MRC1: variants seen among roughly 807,000 people sequenced by gnomAD.
MRC1 encodes mannose receptor C-type 1, also known as macrophage mannose receptor 1.
Under a neutral mutation model 102.9 loss-of-function variants are expected in MRC1, and 62 were observed. The ratio of observed to expected loss-of-function variants is 0.60; its 90% CI spans 0.49 to 0.74. The LOEUF (loss-of-function observed/expected upper bound fraction) is 0.74, where lower values mean the gene tolerates loss of function less well. Among genes scored for constraint, MRC1 ranks in the 30% least tolerant of loss-of-function variants. The pLI is 0.00. For synonymous variants in MRC1, 457 were observed against 298.4 expected, an observed-to-expected ratio of 1.53 and a Z score of -5.48; for missense variants, 1,237 against 862.8, an observed-to-expected ratio of 1.43 and a Z score of -5.43.
At chr10:17,844,368 G>A (rs1040219311) in intron 5 of MRC1, among the ~76,000 whole-genome samples, 3 of 152,024 alleles carry the variant, frequency 2.0e-5, no homozygotes, top group South Asian at 2.1e-4. Flanking sequence ...ACAGGTGCCC[G>A]CCAGCTCCCC....
chr10:17,849,676 T>C lies in MRC1; in HGVS notation c.1161T>C (p.Ala387=), dbSNP rs1838883759. Residue 387 remains alanine (A), a synonymous_variant, in exon 7 of 30, where the codon GCT becomes GCC. Transcript: ENST00000569591. Reference sequence around the variant, plus strand: ...ATGAGAAAAAAATCCAGAGGGATGCTCTGACCACCTGCAGGAAGGAAGGCG... The same window carrying C: ...ATGAGAAAAAAATCCAGAGGGATGCCCTGACCACCTGCAGGAAGGAAGGCG... ...HRDEKKIQRD[A]LTTCRKEGGD... 1.3e-6 allele frequency: 1 copy of C among 780,866 alleles called. No individual in the cohort carries two copies. The highest frequency in any genetic ancestry group is 2.4e-6 in the Non-Finnish European group (1 of 418,118). The allele number at this position is 780,866 out of a possible 1,614,324, so 48.4% of individuals were successfully genotyped here. A position where few individuals can be genotyped will look rare whatever the true frequency, so the allele number is the denominator to read the frequency against.
chr10:17,829,437 AC>A (rs1471591061), intron 3 of MRC1, among the ~76,000 whole-genome samples: 1 of 151,410 alleles, frequency 6.6e-6, no homozygotes, highest in African/African-American at 2.5e-5. Context: ...ATGAATACTC[AC>A]AAAAGCCCAT....
intron 5 of MRC1, 121 bp from the exon 6 acceptor site, chr10:17,845,168 G>A (rs1838807157): frequency 1.3e-6 from 1 of 779,624 alleles, no homozygotes; most frequent in African/African-American, 1.7e-5. Flanking sequence ...TGAATGTGTA[G>A]CAAAAGACAG....
rs781852223 is a variant in MRC1, at chr10:17,823,141, C to T, written c.129C>T (p.Ala43=). The T allele has an allele frequency of 1.5e-5, 12 of 780,786 alleles. No homozygotes were observed. Among genetic ancestry groups the T allele is most frequent in the East Asian group, 9.7e-5 (4 of 41,248 alleles). The allele number at this position is 780,786 out of a possible 1,614,324, so 48.4% of individuals were successfully genotyped here. ...GCGTGGATGCAGTGAGTCCCAGTGCCGTCCAAACCGCAGCTTGCAACCAGG... is the reference window on the plus strand; with the variant it reads ...GCGTGGATGCAGTGAGTCCCAGTGCTGTCCAAACCGCAGCTTGCAACCAGG... ...KRCVDAVSPS[A]VQTAACNQDA... is the part of the protein sequence containing the mutation. Residue 43 remains alanine, a synonymous_variant, in exon 2 of 30, where the codon GCC becomes GCT. Transcript: ENST00000569591.
chr10:17,861,269 C>A (rs1006349285), intron 9 of MRC1, 118 bp from the exon 10 acceptor site: 4 of 564,224 alleles, frequency 7.1e-6, no homozygotes, highest in Non-Finnish European at 1.3e-5. Context: ...GCCAAGATTG[C>A]GCCATTGTAC....
At position 17,873,791 on chromosome 10, in the gene MRC1, A is replaced by C; in HGVS notation, c.2352A>C (p.Thr784=). The change falls in exon 16 of 30, where the codon ACA becomes ACC. Residue 784 remains threonine, a synonymous_variant. Transcript: ENST00000569591. ...NWICQIQKGQ[T]PKPEPTPAPQ... ...TTTTCTCTTGTTTTACAGGACAAAC[A>C]CCAAAACCTGAGCCAACACCAGCTC... is the stretch of plus-strand genomic sequence containing the variant. 3.4e-6 allele frequency: 3 copies of C among 872,634 alleles called. No individual in the cohort carries two copies. The highest frequency in any genetic ancestry group is 6.0e-6 in the Non-Finnish European group (3 of 501,398). The allele number at this position is 872,634 out of a possible 1,614,324, so 54.1% of individuals were successfully genotyped here.
At chr10:17,910,074 T>G (rs2130729127) in intron 29 of MRC1, 141 bp from the exon 30 acceptor site, 1 of 728,534 alleles carries the variant, frequency 1.4e-6, no homozygotes, top group Non-Finnish European at 2.5e-6. Context: ...GACTCTTGTT[T>G]TCACATCTTT....
chr10:17,886,425 C>T (rs931575160), intron 22 of MRC1, among the ~76,000 whole-genome samples: 1 of 151,286 alleles, frequency 6.6e-6, no homozygotes, highest in Non-Finnish European at 1.5e-5. Context: ...AATCTCTCAA[C>T]CTATTGCCAC....
At chr10:17,837,006 T>C (rs1383168855) in intron 4 of MRC1, among the ~76,000 whole-genome samples, 1 of 152,134 alleles carries the variant, frequency 6.6e-6, no homozygotes, top group Admixed American at 6.5e-5. Context: ...CTTTGTGCGC[T>C]CTCCACCAGC....
At chr10:17,843,669 G>GA (rs1338324582) in intron 5 of MRC1, among the ~76,000 whole-genome samples, 1,594 of 145,988 alleles carry the variant, frequency 0.011, 42 homozygotes, top group African/African-American at 0.035. Context: ...ATCTCAAAAA[G>GA]AAAAAAAAAA....
intron 20 of MRC1, 87 bp downstream of exon 20, chr10:17,880,757 C>G: frequency 1.3e-6 from 1 of 764,786 alleles, no homozygotes; most frequent in Non-Finnish European, 2.4e-6. Flanking sequence ...TTTTGCTAGC[C>G]TCATTACTTT....
chr10:17,862,743 T>G (rs1833202624), intron 10 of MRC1: 1 of 152,178 alleles, frequency 6.6e-6, no homozygotes, highest in South Asian at 2.1e-4. Flanking sequence ...TTCTCTATAT[T>G]CTCTTCCTGC....
At chr10:17,809,624 G>A in intron 1 of MRC1, 98 bp downstream of exon 1, 2 of 824,956 alleles carry the variant, frequency 2.4e-6, no homozygotes, top group Non-Finnish European at 2.2e-6. Context: ...CAACATCTTT[G>A]TGAGGAGGAA....
chr10:17,821,725 T>A (rs2477639), intron 1 of MRC1, among the ~76,000 whole-genome samples: 113,670 of 152,032 alleles, frequency 0.75, 43,588 homozygotes, highest in African/African-American at 0.92. Context: ...CAGAACAGGA[T>A]ATAGAATACA....
intron 6 of MRC1, 113 bp from the exon 7 acceptor site, chr10:17,849,466 A>G: frequency 1.6e-6 from 1 of 642,498 alleles, no homozygotes; most frequent in East Asian, 2.8e-5. Flanking sequence ...TGTTACCTTT[A>G]TTTGCCTAGT....
chr10:17,888,662 AG>A (rs1236285731), intron 22 of MRC1, among the ~76,000 whole-genome samples: 24 of 152,258 alleles, frequency 1.6e-4, no homozygotes, highest in African/African-American at 5.8e-4. Context: ...AAATTTGTTA[AG>A]GCATGTTTTA....
intron 25 of MRC1, among the ~76,000 whole-genome samples, chr10:17,901,386 C>T (rs1468744900): frequency 6.6e-6 from 1 of 152,152 alleles, no homozygotes; most frequent in African/African-American, 2.4e-5. Context: ...TTTGTGGTGA[C>T]TTTTAGAAAA....
At chr10:17,846,407 T>A (rs1554840233) in intron 6 of MRC1, among the ~76,000 whole-genome samples, 1 of 152,198 alleles carries the variant, frequency 6.6e-6, no homozygotes, top group Admixed American at 6.5e-5. Flanking sequence ...TTATTTCTGT[T>A]TTTCTGCTGG....
intron 1 of MRC1, among the ~76,000 whole-genome samples, chr10:17,813,685 TATA>T: frequency 3.5e-5 from 3 of 85,068 alleles, no homozygotes; most frequent in South Asian, 8.3e-4. Flanking sequence ...ACACACATTA[TATA>T]TATATATATA....
Sources: gnomAD v4.1 joint callset for allele counts (sites outside exome capture counted in the v4.1 genomes callset) on GRCh38, gnomAD v4.1.1 for gene constraint, MANE v1.5 for transcripts, NCBI Gene and HGNC (gene_info 2026-07-23, HGNC 2026-07-21) for gene names.